LRBA: variants seen among roughly 807,000 people sequenced by gnomAD.
LRBA encodes the protein lipopolysaccharide-responsive and beige-like anchor protein.
In LRBA, 176 loss-of-function variants were observed where a neutral mutation model predicts 330.0. That is an observed-to-expected ratio of 0.53 (90% confidence interval 0.47 to 0.60). LRBA has a LOEUF of 0.60. Among genes scored for constraint, LRBA ranks in the 20% least tolerant of loss-of-function variants. LRBA has a pLI of 0.00. For synonymous variants in LRBA, 1,230 were observed against 1,193.0 expected (o/e 1.03, Z -0.64); for missense variants, 3,259 against 3,444.8 (o/e 0.95, Z 1.35).
intron 36 of LRBA, among the ~76,000 whole-genome samples, chr4:150,692,335 C>CA (rs1174938328): frequency 6.6e-6 from 1 of 152,122 alleles, no homozygotes; most frequent in East Asian, 1.9e-4. Flanking sequence ...CCTGCCACTT[C>CA]AGTCCCCCAA....
chr4:150,290,674 T>A (rs1341786932), intron 53 of LRBA, among the ~76,000 whole-genome samples: 2 of 152,184 alleles, frequency 1.3e-5, no homozygotes, highest in Non-Finnish European at 2.9e-5. Context: ...AGCACGTTTA[T>A]GACTACTGAT....
chr4:150,983,071 C>A (rs1459298472), intron 2 of LRBA, among the ~76,000 whole-genome samples: 2 of 151,540 alleles, frequency 1.3e-5, no homozygotes, highest in African/African-American at 4.9e-5. Flanking sequence ...CAGAGCAAGA[C>A]CCTGTCTCAA....
intron 40 of LRBA, among the ~76,000 whole-genome samples, chr4:150,511,520 G>A (rs1299978721): frequency 1.3e-5 from 2 of 152,184 alleles, no homozygotes; most frequent in Admixed American, 1.3e-4. Flanking sequence ...CTCCCAGTGT[G>A]ATGGTCTTCC....
chr4:150,704,161 C>T (rs1380957869), intron 36 of LRBA, among the ~76,000 whole-genome samples: 2 of 152,100 alleles, frequency 1.3e-5, no homozygotes, highest in Non-Finnish European at 2.9e-5. Flanking sequence ...CTGCAATGCA[C>T]CATGATCCCA....
chr4:150,414,575 C>G (rs1346150605), intron 47 of LRBA, among the ~76,000 whole-genome samples: 1 of 152,208 alleles, frequency 6.6e-6, no homozygotes, highest in East Asian at 1.9e-4. Context: ...ACTGCAACCT[C>G]TGCCTCCCAG....
intron 46 of LRBA, among the ~76,000 whole-genome samples, chr4:150,429,731 TC>T (rs1750126303): frequency 6.6e-6 from 1 of 152,072 alleles, no homozygotes; most frequent in Non-Finnish European, 1.5e-5. Context: ...TCATTTGCAA[TC>T]CCATCTCCCC....
chr4:150,899,267 A>G (rs1178315568), intron 14 of LRBA, among the ~76,000 whole-genome samples: 2 of 152,210 alleles, frequency 1.3e-5, no homozygotes. Context: ...CACTGAATTT[A>G]AGTTGTTACG....
At chr4:150,799,061 G>A (rs1253700264) in intron 33 of LRBA, among the ~76,000 whole-genome samples, 11 of 151,780 alleles carry the variant, frequency 7.2e-5, no homozygotes, top group Non-Finnish European at 7.4e-5. Flanking sequence ...TTATTCTTTA[G>A]TTCTTTCTCC....
Position 150,264,666 on chromosome 4 carries a change from C to T in LRBA, c.*1056G>A, listed in dbSNP as rs1745081933. 1 of 152,630 alleles carries T rather than the reference C, an allele frequency of 6.6e-6. No homozygotes were observed. The highest frequency in any genetic ancestry group is 1.5e-5 in the Non-Finnish European group (1 of 68,038). 9.5% of individuals were successfully genotyped at this position (152,630 alleles called of 1,614,324 possible). The stretch of plus-strand genomic sequence containing the variant: ...GAGAAATAGAGATCAAAGTTCACAA[C>T]ATACAAAGAATTTATTTATGCAATA... On this transcript the variant is annotated 3_prime_UTR_variant, in exon 57 of 57. Coordinates refer to ENST00000651943, the MANE Select transcript of LRBA (RefSeq NM_001364905.1).
intron 11 of LRBA, 132 bp downstream of exon 11, chr4:150,908,202 G>A: frequency 9.8e-6 from 8 of 816,414 alleles, no homozygotes; most frequent in South Asian, 1.9e-5. Context: ...ATATGGACTT[G>A]TAATACAGTT....
intron 36 of LRBA, among the ~76,000 whole-genome samples, chr4:150,718,720 C>T (rs904495761): frequency 6.6e-6 from 1 of 151,842 alleles, no homozygotes; most frequent in Admixed American, 6.6e-5. Context: ...ATTATAACAC[C>T]TTAAAATACT....
intron 42 of LRBA, among the ~76,000 whole-genome samples, 198 bp from the exon 43 acceptor site, chr4:150,471,937 T>G (rs1037880566): frequency 6.6e-6 from 1 of 152,050 alleles, no homozygotes; most frequent in Admixed American, 6.6e-5. Context: ...GTATTATACA[T>G]GTTGTATTCA....
chr4:150,725,057 C>T (rs1192659973), intron 36 of LRBA, among the ~76,000 whole-genome samples: 11 of 151,052 alleles, frequency 7.3e-5, no homozygotes, highest in Admixed American at 7.3e-4. Flanking sequence ...TTTGAAAATA[C>T]ATAGAGGAGA....
intron 2 of LRBA, among the ~76,000 whole-genome samples, chr4:150,975,533 CAA>C (rs562938295): frequency 1.9e-4 from 15 of 78,046 alleles, no homozygotes; most frequent in Non-Finnish European, 3.4e-4. Flanking sequence ...GACTCTATCT[CAA>C]AAAAAAAAAA....
At chr4:151,004,669 T>C (rs994145037) in intron 2 of LRBA, among the ~76,000 whole-genome samples, 2 of 152,216 alleles carry the variant, frequency 1.3e-5, no homozygotes, top group Non-Finnish European at 2.9e-5. Flanking sequence ...TTACATAATA[T>C]ATTAGAAGAT....
intron 47 of LRBA, among the ~76,000 whole-genome samples, chr4:150,389,307 T>A (rs1017272673): frequency 3.3e-5 from 5 of 151,688 alleles, no homozygotes; most frequent in Non-Finnish European, 7.4e-5. Context: ...TGAGCCATGG[T>A]TGTACCACTG....
intron 40 of LRBA, among the ~76,000 whole-genome samples, chr4:150,534,140 C>T (rs1269916204): frequency 2.0e-5 from 3 of 151,798 alleles, no homozygotes; most frequent in African/African-American, 7.3e-5. Context: ...AATTGTTTCA[C>T]TATAAAATAT....
At chr4:150,343,694 GTCTA>G (rs1404111657) in intron 48 of LRBA, among the ~76,000 whole-genome samples, 1 of 151,982 alleles carries the variant, frequency 6.6e-6, no homozygotes, top group Non-Finnish European at 1.5e-5. Flanking sequence ...CCCCACCTGT[GTCTA>G]TCTTTCTGTC....
At chr4:150,352,102 T>C (rs1737263362) in intron 47 of LRBA, among the ~76,000 whole-genome samples, 2 of 152,232 alleles carry the variant, frequency 1.3e-5, no homozygotes, top group Admixed American at 1.3e-4. Flanking sequence ...ATGTATCTCA[T>C]TGAAATTGAT....
Sources: allele counts gnomAD v4.1 joint callset (sites outside exome capture counted in the v4.1 genomes callset), GRCh38; gene constraint gnomAD v4.1.1; transcripts MANE v1.5; gene names NCBI Gene and HGNC (gene_info 2026-07-23, HGNC 2026-07-21).